The following GRM8 variants were observed in gnomAD, a reference collection of about 807,000 sequenced individuals.
GRM8 encodes metabotropic glutamate receptor 8.
A neutral mutation model predicts 87.2 loss-of-function variants in GRM8; 47 were observed. The ratio of observed to expected loss-of-function variants is 0.54; its 90% CI spans 0.43 to 0.69. The LOEUF is 0.69. GRM8 is among the 30% of genes least tolerant of loss of function. The pLI is 0.00. For synonymous variants in GRM8, 396 were observed against 404.5 expected (o/e 0.98, Z 0.25); for missense variants, 1,019 against 1,139.2 (o/e 0.89, Z 1.52).
chr7:126,587,871 A>G (rs2151031934), intron 8 of GRM8, among the ~76,000 whole-genome samples: 1 of 151,952 alleles, frequency 6.6e-6, no homozygotes, highest in African/African-American at 2.4e-5. Flanking sequence ...TAATATCTGA[A>G]GAGTTTACTA....
chr7:126,939,277 A>T (rs1042094108), intron 3 of GRM8, among the ~76,000 whole-genome samples: 25 of 152,152 alleles, frequency 1.6e-4, no homozygotes, highest in Admixed American at 1.6e-3. Flanking sequence ...ATAAAATAAA[A>T]ATATACTTCT....
intron 3 of GRM8, among the ~76,000 whole-genome samples, chr7:126,920,790 T>C (rs1586461191): frequency 6.6e-6 from 1 of 152,200 alleles, no homozygotes; most frequent in East Asian, 1.9e-4. Context: ...TCTCCCTGTT[T>C]AGCATCCAGA....
chr7:126,885,977 A>C (rs1647969668), intron 6 of GRM8, among the ~76,000 whole-genome samples: 1 of 152,128 alleles, frequency 6.6e-6, no homozygotes, highest in African/African-American at 2.4e-5. Context: ...ATTTCTATGA[A>C]GGTGCCTTGT....
chr7:127,053,035 C>T (rs1207454484), intron 3 of GRM8, among the ~76,000 whole-genome samples: 1 of 152,144 alleles, frequency 6.6e-6, no homozygotes, highest in East Asian at 1.9e-4. Context: ...TACTAATTTG[C>T]ACACTCAAAT....
chr7:126,456,638 T>C (rs770589638), intron 9 of GRM8, among the ~76,000 whole-genome samples: 6 of 148,410 alleles, frequency 4.0e-5, no homozygotes, highest in South Asian at 2.1e-4. Flanking sequence ...ATTTAGCCAA[T>C]ATATCTAAAG....
At chr7:126,757,225 A>C (rs1197817887) in intron 7 of GRM8, among the ~76,000 whole-genome samples, 1 of 152,144 alleles carries the variant, frequency 6.6e-6, no homozygotes, top group Non-Finnish European at 1.5e-5. Context: ...ATTTATATAA[A>C]GTTTAAAAGC....
At position 126,858,967 on chromosome 7, in the gene GRM8, T is replaced by C. The variant is rs1382798489; in HGVS notation, c.1156+43575A>G. 2.0e-5 allele frequency among the ~76,000 whole-genome samples: 3 copies of C among 152,012 alleles called. 1 individual carries two copies. The highest frequency in any genetic ancestry group is 1.5e-5 in the Non-Finnish European group (1 of 67,960). On this transcript the variant is annotated intron_variant, in intron 6 of 10. Coordinates refer to ENST00000339582, the MANE Select transcript of GRM8 (RefSeq NM_000845.3). ...CTTGCTCTTTTCTTGGCAGTCCCAG[T>C]CTAATGTGTCCCTCCACCCCCCACC...
intron 3 of GRM8, among the ~76,000 whole-genome samples, chr7:126,987,623 G>C (rs1001784322): frequency 2.6e-5 from 4 of 151,994 alleles, no homozygotes; most frequent in Non-Finnish European, 5.9e-5. Context: ...ACCACGCCCG[G>C]CTAATTTTTT....
intron 3 of GRM8, among the ~76,000 whole-genome samples, chr7:126,940,302 GT>G (rs1380322237): frequency 6.6e-6 from 1 of 152,088 alleles, no homozygotes; most frequent in African/African-American, 2.4e-5. Flanking sequence ...CATTTACAGT[GT>G]TTCCTCTTGC....
At position 126,473,154 on chromosome 7, in the gene GRM8, C is replaced by G. The variant is rs1805497010; in HGVS notation, c.2431-26782G>C. Among the ~76,000 whole-genome samples, 3 of 152,154 alleles carry G rather than the reference C, an allele frequency of 2.0e-5. No individual in the cohort carries two copies. The South Asian group carries it at 6.2e-4, about 32-fold the overall frequency. On this transcript the variant is annotated intron_variant, in intron 9 of 10. Coordinates refer to ENST00000339582, the MANE Select transcript of GRM8 (RefSeq NM_000845.3). ...GCTGTGAGAAGAGGGCCACTGTCCT[C>G]CAGACCCCAGAATGGTAGATCCACC...
chr7:126,600,699 A>G (rs1285598905), intron 8 of GRM8, among the ~76,000 whole-genome samples: 6 of 152,124 alleles, frequency 3.9e-5, no homozygotes, highest in Admixed American at 3.9e-4. Context: ...AAATTTAATC[A>G]CCTTAACACT....
chr7:127,157,400 T>A (rs543538743), intron 2 of GRM8, among the ~76,000 whole-genome samples: 1 of 152,130 alleles, frequency 6.6e-6, no homozygotes, highest in Non-Finnish European at 1.5e-5. Context: ...ATCTGGTGAA[T>A]TCTATGGACT....
intron 7 of GRM8, among the ~76,000 whole-genome samples, chr7:126,727,540 A>G (rs1213776374): frequency 6.6e-6 from 1 of 152,132 alleles, no homozygotes; most frequent in African/African-American, 2.4e-5. Context: ...TAAAATAACT[A>G]TAAACACTAA....
chr7:126,767,903 TAA>T (rs547308145), intron 7 of GRM8, among the ~76,000 whole-genome samples: 1 of 152,096 alleles, frequency 6.6e-6, no homozygotes, highest in South Asian at 2.1e-4. Context: ...GTTCATATAC[TAA>T]GATTTATTTA....
chr7:127,223,463 A>G lies in GRM8; in HGVS notation c.510+19232T>C, dbSNP rs200501453. Among the ~76,000 whole-genome samples, 141 of 103,190 alleles carry G rather than the reference A, an allele frequency of 1.4e-3. 1 individual carries two copies. The highest frequency in any genetic ancestry group is 1.6e-3 in the Non-Finnish European group (60 of 37,266). The allele number at this position is 103,190 out of a possible 152,430, so 67.7% of individuals were successfully genotyped here. ...CACACGCACACACACACACACACAC[A>G]CACACACACACACACACACACACAA... is the stretch of plus-strand genomic sequence containing the variant. On this transcript the variant is annotated intron_variant, in intron 2 of 10. Transcript: ENST00000339582.
chr7:126,828,711 C>T (rs975945086), intron 6 of GRM8, among the ~76,000 whole-genome samples: 1 of 152,064 alleles, frequency 6.6e-6, no homozygotes, highest in Admixed American at 6.6e-5. Context: ...TTCAGTTCTG[C>T]TCTGATTTCA....
At chr7:126,993,002 C>T (rs1220511795) in intron 3 of GRM8, among the ~76,000 whole-genome samples, 1 of 152,132 alleles carries the variant, frequency 6.6e-6, no homozygotes, top group Admixed American at 6.5e-5. Context: ...TCTATTATTT[C>T]AGCTACCCAG....
At chr7:127,214,995 C>A (rs1796437233) in intron 2 of GRM8, 2 of 152,222 alleles carry the variant, frequency 1.3e-5, no homozygotes, top group South Asian at 4.2e-4. Flanking sequence ...TTCTTAAATT[C>A]AAGTTCTTGG....
intron 2 of GRM8, among the ~76,000 whole-genome samples, chr7:127,207,455 A>G (rs528577991): frequency 1.3e-5 from 2 of 152,328 alleles, no homozygotes; most frequent in South Asian, 2.1e-4. Context: ...CCAAGTACCA[A>G]TGTGAACGAC....
Sources: gnomAD v4.1 joint callset for allele counts (sites outside exome capture counted in the v4.1 genomes callset) on GRCh38, gnomAD v4.1.1 for gene constraint, MANE v1.5 for transcripts, NCBI Gene and HGNC (gene_info 2026-07-23, HGNC 2026-07-21) for gene names.